TENM2: variants seen among roughly 807,000 people sequenced by gnomAD.
TENM2 encodes the protein teneurin transmembrane protein 2.
TENM2 carries 52 observed loss-of-function variants against 245.2 expected under a neutral mutation model. That is an observed-to-expected ratio of 0.21 (90% CI 0.17 to 0.27). The LOEUF (loss-of-function observed/expected upper bound fraction) is 0.27. Among genes scored for constraint, TENM2 ranks in the 10% least tolerant of loss-of-function variants. The pLI is 1.00. For missense variants in TENM2, 3,046 were observed against 3,666.8 expected, an observed-to-expected ratio of 0.83 and a Z score of 4.37; for synonymous variants, 1,363 against 1,438.9, an observed-to-expected ratio of 0.95 and a Z score of 1.19.
chr5:167,447,045 T>G (rs544667941), intron 2 of TENM2, among the ~76,000 whole-genome samples: 2 of 152,192 alleles, frequency 1.3e-5, no homozygotes, highest in African/African-American at 4.8e-5. Context: ...AGTTTTGGAA[T>G]TGGAAGCATT....
At chr5:168,078,088 C>A (rs551113946) in intron 7 of TENM2, among the ~76,000 whole-genome samples, 2 of 152,046 alleles carry the variant, frequency 1.3e-5, no homozygotes, top group Non-Finnish European at 2.9e-5. Context: ...CTCCAGCACC[C>A]GTTGTTTCCT....
the TENM2 span, among the ~76,000 whole-genome samples, chr5:167,142,091 A>G: frequency 1.3e-5 from 2 of 152,160 alleles, no homozygotes; most frequent in Non-Finnish European, 2.9e-5. Flanking sequence ...GAAATCTATG[A>G]GTAGAGTTAA....
chr5:167,111,644 A>G, the TENM2 span, among the ~76,000 whole-genome samples: 4 of 152,344 alleles, frequency 2.6e-5, no homozygotes, highest in South Asian at 2.1e-4. Flanking sequence ...TTCACACTCC[A>G]AACAACAAAT....
At chr5:167,244,178 T>C in the TENM2 span, among the ~76,000 whole-genome samples, 37,797 of 152,086 alleles carry the variant, frequency 0.25, 5,714 homozygotes, top group African/African-American at 0.42. Flanking sequence ...AATGTTATGA[T>C]GATTACATCA....
chr5:168,158,615 C>T (rs1313021951), intron 12 of TENM2, among the ~76,000 whole-genome samples: 1 of 151,198 alleles, frequency 6.6e-6, no homozygotes, highest in African/African-American at 2.4e-5. Context: ...CTGGCCTCTA[C>T]CCACAAGATG....
intron 2 of TENM2, among the ~76,000 whole-genome samples, chr5:167,705,506 T>C (rs1465128409): frequency 1.3e-5 from 2 of 152,168 alleles, no homozygotes; most frequent in Non-Finnish European, 2.9e-5. Context: ...ACCAATTGTC[T>C]ACCTTTGCTA....
At chr5:167,821,764 G>T (rs939586640) in intron 2 of TENM2, among the ~76,000 whole-genome samples, 3 of 152,050 alleles carry the variant, frequency 2.0e-5, no homozygotes, top group Non-Finnish European at 4.4e-5. Flanking sequence ...CCCTTTTGAT[G>T]ATTTCATTGA....
chr5:167,928,587 A>G (rs1777941602), intron 3 of TENM2, among the ~76,000 whole-genome samples: 1 of 152,104 alleles, frequency 6.6e-6, no homozygotes, highest in Non-Finnish European at 1.5e-5. Context: ...AAGAGACACC[A>G]AAATATGTGT....
At chr5:167,240,257 C>T in the TENM2 span, among the ~76,000 whole-genome samples, 2 of 151,304 alleles carry the variant, frequency 1.3e-5, no homozygotes, top group Admixed American at 1.3e-4. Flanking sequence ...TGGTAGGTGG[C>T]CTTTTTTTTT....
At position 167,969,865 on chromosome 5, in the gene TENM2, C is replaced by T. The variant is rs955146825; in HGVS notation, c.947+17043C>T. On this transcript the variant is annotated intron_variant, in intron 4 of 28. Transcript: ENST00000518659. ...CCAAGCCTCAAGCCTGGAGTCTTGG[C>T]GAGCAGACCACATTAATTGGCCAGG... 3.1e-4 allele frequency among the ~76,000 whole-genome samples: 47 copies of T among 152,218 alleles called. 1 individual carries two copies. The highest frequency in any genetic ancestry group is 7.3e-5 in the Non-Finnish European group (5 of 68,040).
At chr5:167,776,457 G>A (rs544580143) in intron 2 of TENM2, among the ~76,000 whole-genome samples, 109 of 151,464 alleles carry the variant, frequency 7.2e-4, no homozygotes, top group African/African-American at 2.2e-3. Flanking sequence ...TTAGCTGAGC[G>A]TGGTGGCGTA....
intron 2 of TENM2, among the ~76,000 whole-genome samples, chr5:167,502,357 G>A (rs1057488170): frequency 5.9e-5 from 9 of 152,124 alleles, no homozygotes; most frequent in Admixed American, 2.0e-4. Flanking sequence ...CAAGAAAACA[G>A]CATGCAACAA....
chr5:167,125,346 A>C, the TENM2 span, among the ~76,000 whole-genome samples: 5 of 152,362 alleles, frequency 3.3e-5, no homozygotes, highest in East Asian at 9.7e-4. Context: ...GCACTCTGCA[A>C]ATGCAAAGTG....
chr5:167,514,272 A>C (rs1424259656), intron 2 of TENM2, among the ~76,000 whole-genome samples: 2 of 152,178 alleles, frequency 1.3e-5, no homozygotes, highest in Non-Finnish European at 2.9e-5. Flanking sequence ...ACCATACTAC[A>C]GAGAAAACAC....
At chr5:168,055,777 T>G (rs768784753) in intron 6 of TENM2, among the ~76,000 whole-genome samples, 14 of 152,128 alleles carry the variant, frequency 9.2e-5, no homozygotes, top group Non-Finnish European at 1.3e-4. Context: ...AGGTACAACA[T>G]GCAGAAGCAC....
chr5:167,682,153 C>T, intron 2 of TENM2, among the ~76,000 whole-genome samples: 1 of 137,168 alleles, frequency 7.3e-6, no homozygotes, highest in African/African-American at 2.6e-5. Flanking sequence ...TGCGTTCCTT[C>T]CTTCCTTCCT....
chr5:167,875,491 CT>C (rs1363456416), intron 2 of TENM2, among the ~76,000 whole-genome samples: 1 of 152,142 alleles, frequency 6.6e-6, no homozygotes, highest in Non-Finnish European at 1.5e-5. Flanking sequence ...TTTGGGTTTC[CT>C]TCTGCAAGCA....
chr5:167,588,058 C>A (rs1775623387), intron 2 of TENM2, among the ~76,000 whole-genome samples: 1 of 152,170 alleles, frequency 6.6e-6, no homozygotes, highest in African/African-American at 2.4e-5. Context: ...GGTGATCAGA[C>A]CATTTCAATC....
chr5:168,022,944 G>A (rs747519883), intron 5 of TENM2, among the ~76,000 whole-genome samples: 33 of 152,212 alleles, frequency 2.2e-4, no homozygotes, highest in African/African-American at 7.7e-4. Flanking sequence ...TCTAGGCAAG[G>A]GTGCGTGTGC....
Sources: allele counts gnomAD v4.1 joint callset (sites outside exome capture counted in the v4.1 genomes callset), GRCh38; gene constraint gnomAD v4.1.1; transcripts MANE v1.5; gene names NCBI Gene and HGNC (gene_info 2026-07-23, HGNC 2026-07-21).